TUSC3: variants seen among roughly 807,000 people sequenced by gnomAD.
TUSC3 encodes the protein tumor suppressor candidate 3.
Under a neutral mutation model 44.8 loss-of-function variants are expected in TUSC3, and 45 were observed. The observed-to-expected ratio is 1.00, with a 90% confidence interval of 0.79 to 1.29. The LOEUF is 1.29. TUSC3 is among the 50% of genes most tolerant of loss of function. The pLI is 0.00. For synonymous variants in TUSC3, 212 were observed against 152.9 expected (o/e 1.39, Z -2.85); for missense variants, 519 against 437.9 (o/e 1.19, Z -1.65).
intron 6 of TUSC3, among the ~76,000 whole-genome samples, chr8:15,699,388 G>C (rs1809303078): frequency 6.6e-6 from 1 of 152,060 alleles, no homozygotes; most frequent in Non-Finnish European, 1.5e-5. Context: ...TCTCACCACT[G>C]TTTCTTGCTC....
rs995745554 is a variant in TUSC3 at position 15,567,302 on chromosome 8, T to C, written c.138+26734T>C. ...ACAAAAAGTTCTTCCTAACTTACTGTTTCTTTACTTAGCCACCAAACATTA... is the reference window on the plus strand; with the variant it reads ...ACAAAAAGTTCTTCCTAACTTACTGCTTCTTTACTTAGCCACCAAACATTA... On this transcript the variant is annotated intron_variant, in intron 1 of 10. Transcript: ENST00000503731. Among the ~76,000 whole-genome samples, 3 of 152,188 alleles carry C rather than the reference T, an allele frequency of 2.0e-5. No homozygotes were observed. The South Asian group carries it at 6.2e-4, about 32-fold the overall frequency.
intron 7 of TUSC3, among the ~76,000 whole-genome samples, chr8:15,741,503 T>G (rs1405434385): frequency 6.6e-6 from 1 of 152,146 alleles, no homozygotes; most frequent in African/African-American, 2.4e-5. Context: ...GAGGCCAGCA[T>G]GGCGAAACCC....
the TUSC3 span, among the ~76,000 whole-genome samples, chr8:15,825,471 C>G: frequency 1.3e-5 from 2 of 151,966 alleles, no homozygotes; most frequent in Non-Finnish European, 2.9e-5. Context: ...AGACCTGTCC[C>G]AATGATTCAA....
chr8:15,837,349 C>T, the TUSC3 span, among the ~76,000 whole-genome samples: 1 of 152,210 alleles, frequency 6.6e-6, no homozygotes. Context: ...TTGTACTACA[C>T]ATTTAAATGT....
downstream of TUSC3, among the ~76,000 whole-genome samples, chr8:15,769,506 G>C (rs1812404077): frequency 6.6e-6 from 1 of 152,108 alleles, no homozygotes; most frequent in Non-Finnish European, 1.5e-5. Context: ...TACCATTCAG[G>C]ACACAGGCAT....
Position 15,540,443 on chromosome 8 carries a change from G to A in TUSC3, c.13G>A (p.Gly5Ser), listed in dbSNP as rs1383963753. 8 of 1,597,660 alleles carry A rather than the reference G, an allele frequency of 5.0e-6. No individual in the cohort carries two copies. The highest frequency in any genetic ancestry group is 6.8e-6 in the Non-Finnish European group (8 of 1,173,248). The change falls in exon 1 of 11, where the codon GGC (glycine) becomes AGC (serine). Residue 5 changes from glycine to serine, a missense_variant. By Grantham distance (56) the Gly-to-Ser change is moderately conservative (BLOSUM62 0). Coordinates refer to ENST00000503731, the MANE Select transcript of TUSC3 (RefSeq NM_006765.4). Reference protein sequence around the residue: MGARGAPSRRRQAGR... With the variant: MGARSAPSRRRQAGR... ...CTGCCCTGCCGCGATGGGGGCCCGG[G>A]GCGCTCCTTCACGCCGTAGGCAAGC... is the stretch of plus-strand genomic sequence containing the variant.
chr8:15,640,089 G>T (rs966223981), intron 2 of TUSC3, among the ~76,000 whole-genome samples: 6 of 152,130 alleles, frequency 3.9e-5, no homozygotes, highest in Non-Finnish European at 8.8e-5. Context: ...GAGAAGGGTG[G>T]TTCACTGTCC....
intron 9 of TUSC3, among the ~76,000 whole-genome samples, chr8:15,750,002 C>T (rs573688037): frequency 3.6e-4 from 50 of 137,856 alleles, no homozygotes; most frequent in Non-Finnish European, 5.2e-4. Flanking sequence ...TTTTTTGAAA[C>T]GGAGTCTTGC....
chr8:15,561,814 C>G (rs1802478192), intron 1 of TUSC3: 2 of 152,376 alleles, frequency 1.3e-5, no homozygotes, highest in African/African-American at 4.8e-5. Flanking sequence ...AGGGAACTCC[C>G]TGACCCCTTG....
chr8:15,485,141 A>G (rs1427005398), intron 2 of TUSC3, among the ~76,000 whole-genome samples: 2 of 152,136 alleles, frequency 1.3e-5, no homozygotes, highest in Non-Finnish European at 2.9e-5. Context: ...CCTCTAGGAC[A>G]CCATTATCTT....
intron 1 of TUSC3, among the ~76,000 whole-genome samples, chr8:15,562,542 T>C (rs2129140495): frequency 6.6e-6 from 1 of 152,282 alleles, no homozygotes; most frequent in South Asian, 2.1e-4. Context: ...CTGGGCATGG[T>C]GTAGCTGGAT....
intron 1 of TUSC3, among the ~76,000 whole-genome samples, chr8:15,441,131 G>C (rs952530905): frequency 6.6e-6 from 1 of 152,230 alleles, no homozygotes; most frequent in Non-Finnish European, 1.5e-5. Flanking sequence ...TGATGGCCAG[G>C]CACAGTGGCT....
chr8:15,453,481 G>A (rs1800219035), intron 1 of TUSC3, among the ~76,000 whole-genome samples: 1 of 152,126 alleles, frequency 6.6e-6, no homozygotes, highest in Admixed American at 6.5e-5. Context: ...AGGCTTTTGA[G>A]TCTTGTCAAC....
At position 15,454,066 on chromosome 8, in the gene TUSC3, G is replaced by A. The variant is rs149125186; in HGVS notation, n.92-29320G>A. ...TAGCATGTGTACACCTCCAGTAAAT[G>A]CACTATGCATGCTCCCCTCCCAAGT... On this transcript the variant is annotated intron_variant and non_coding_transcript_variant, in intron 1 of 5. Coordinates refer to the TUSC3 transcript ENST00000503191. 2.7e-3 allele frequency among the ~76,000 whole-genome samples: 416 copies of A among 152,228 alleles called. 1 individual carries two copies. Among genetic ancestry groups the A allele is most frequent in the Non-Finnish European group, 2.8e-4 (19 of 68,002 alleles).
intron 2 of TUSC3, among the ~76,000 whole-genome samples, chr8:15,636,752 T>G (rs1806096609): frequency 1.3e-5 from 2 of 152,216 alleles, no homozygotes; most frequent in African/African-American, 4.8e-5. Context: ...TGAAGACGAA[T>G]GTTCCAGTGG....
chr8:15,700,397 A>G (rs1809345773), intron 6 of TUSC3, among the ~76,000 whole-genome samples: 2 of 152,180 alleles, frequency 1.3e-5, no homozygotes, highest in South Asian at 4.1e-4. Flanking sequence ...CTGATAGAAT[A>G]TGAGACTAGC....
At chr8:15,584,164 C>G (rs943281840) in intron 1 of TUSC3, among the ~76,000 whole-genome samples, 1 of 152,126 alleles carries the variant, frequency 6.6e-6, no homozygotes, top group Non-Finnish European at 1.5e-5. Context: ...TCTTAATTGT[C>G]AACGTCATAA....
the TUSC3 span, among the ~76,000 whole-genome samples, chr8:15,781,976 A>C: frequency 2.4e-3 from 363 of 152,328 alleles, 1 homozygote; most frequent in African/African-American, 8.0e-3. Context: ...CTACTAAAAA[A>C]TACAAAAATT....
chr8:15,620,241 C>G (rs1243793410), intron 1 of TUSC3, among the ~76,000 whole-genome samples: 1 of 152,132 alleles, frequency 6.6e-6, no homozygotes, highest in African/African-American at 2.4e-5. Flanking sequence ...TAGCGTTAGA[C>G]TTTCACACTG....
Sources: gnomAD v4.1 joint callset for allele counts (sites outside exome capture counted in the v4.1 genomes callset) on GRCh38, gnomAD v4.1.1 for gene constraint, MANE v1.5 for transcripts, NCBI Gene and HGNC (gene_info 2026-07-23, HGNC 2026-07-21) for gene names.